NALF1: variants seen among roughly 807,000 people sequenced by gnomAD.
NALF1 encodes the protein family with sequence similarity 155 member A.
A neutral mutation model predicts 48.4 loss-of-function variants in NALF1; 3 were observed. The observed-to-expected ratio is 0.06, with a 90% confidence interval of 0.03 to 0.16. The LOEUF (loss-of-function observed/expected upper bound fraction) is 0.16. Ranked by LOEUF, NALF1 falls within the 10% of genes least tolerant of loss-of-function variation. NALF1 has a pLI of 1.00. For synonymous variants in NALF1, 262 were observed against 245.7 expected (o/e 1.07, Z -0.62); for missense variants, 526 against 571.5 (o/e 0.92, Z 0.81).
At chr13:107,395,726 G>T (rs546290891) in intron 1 of NALF1, among the ~76,000 whole-genome samples, 8 of 152,212 alleles carry the variant, frequency 5.3e-5, no homozygotes, top group African/African-American at 1.9e-4. Context: ...GAGATCAAGT[G>T]TCAGCAGAGT....
At chr13:107,517,310 C>A (rs1876088556) in intron 1 of NALF1, among the ~76,000 whole-genome samples, 2 of 152,038 alleles carry the variant, frequency 1.3e-5, no homozygotes. Context: ...TTAATTTACT[C>A]CCCCATGTTA....
intron 1 of NALF1, among the ~76,000 whole-genome samples, chr13:107,537,502 T>C (rs1876862932): frequency 6.6e-6 from 1 of 152,132 alleles, no homozygotes; most frequent in Non-Finnish European, 1.5e-5. Flanking sequence ...CACTTTGTCA[T>C]TGCCACAATA....
chr13:107,341,742 A>C (rs895258288), intron 1 of NALF1, among the ~76,000 whole-genome samples: 9 of 151,536 alleles, frequency 5.9e-5, no homozygotes, highest in Non-Finnish European at 8.8e-5. Context: ...ATTACACATT[A>C]TATATTAACC....
At chr13:107,721,839 T>C (rs984452903) in intron 1 of NALF1, among the ~76,000 whole-genome samples, 7 of 152,226 alleles carry the variant, frequency 4.6e-5, no homozygotes, top group African/African-American at 1.7e-4. Context: ...TGAGGAGATC[T>C]GATTTCTGAT....
intron 1 of NALF1, among the ~76,000 whole-genome samples, chr13:107,341,814 C>A (rs2138935499): frequency 6.7e-6 from 1 of 149,354 alleles, no homozygotes; most frequent in South Asian, 2.1e-4. Flanking sequence ...TCAACATTAC[C>A]CAGGGTAGTA....
chr13:107,560,120 C>T (rs1031842666), intron 1 of NALF1, among the ~76,000 whole-genome samples: 1 of 152,136 alleles, frequency 6.6e-6, no homozygotes, highest in Admixed American at 6.5e-5. Context: ...GGAAGACAAG[C>T]TGGTTTGGAA....
chr13:107,484,574 C>G (rs1388252218), intron 1 of NALF1, among the ~76,000 whole-genome samples: 1 of 152,082 alleles, frequency 6.6e-6, no homozygotes, highest in African/African-American at 2.4e-5. Context: ...TCTTTGGATT[C>G]CCAGTGCCAT....
At chr13:107,292,556 C>T (rs1308285464) in intron 1 of NALF1, among the ~76,000 whole-genome samples, 1 of 152,088 alleles carries the variant, frequency 6.6e-6, no homozygotes. Flanking sequence ...CCTAGGCCTA[C>T]ACAGGGTCAG....
chr13:107,434,070 C>G (rs1884425350), intron 1 of NALF1, among the ~76,000 whole-genome samples: 1 of 152,180 alleles, frequency 6.6e-6, no homozygotes, highest in Non-Finnish European at 1.5e-5. Flanking sequence ...CTGCATATTT[C>G]TGCTCTACTA....
At chr13:107,732,362 A>T (rs1258279216) in intron 1 of NALF1, among the ~76,000 whole-genome samples, 3 of 152,156 alleles carry the variant, frequency 2.0e-5, no homozygotes, top group Non-Finnish European at 4.4e-5. Flanking sequence ...ATTTGACTTG[A>T]TGTCTACATG....
At chr13:107,532,713 T>A (rs1259770529) in intron 1 of NALF1, among the ~76,000 whole-genome samples, 1 of 152,068 alleles carries the variant, frequency 6.6e-6, no homozygotes, top group Non-Finnish European at 1.5e-5. Context: ...TCTCATGTGT[T>A]TGGTCCATTT....
intron 1 of NALF1, among the ~76,000 whole-genome samples, chr13:107,336,983 GTTC>G (rs1354121165): frequency 7.9e-6 from 1 of 126,522 alleles, no homozygotes; most frequent in East Asian, 2.4e-4. Flanking sequence ...AACCCGCATT[GTTC>G]TTCTTTTATC....
intron 2 of NALF1, among the ~76,000 whole-genome samples, chr13:107,193,521 T>C (rs572900544): frequency 1.3e-5 from 2 of 152,262 alleles, no homozygotes; most frequent in South Asian, 4.2e-4. Context: ...GCAGCTTTTG[T>C]TTAATTACCC....
chr13:107,727,157 T>G (rs1876182332), intron 1 of NALF1, among the ~76,000 whole-genome samples: 1 of 151,936 alleles, frequency 6.6e-6, no homozygotes, highest in Non-Finnish European at 1.5e-5. Flanking sequence ...AGGCACAGAC[T>G]CGAGACCAGT....
chr13:107,286,128 T>C (rs1281119632), intron 1 of NALF1, among the ~76,000 whole-genome samples: 1 of 152,138 alleles, frequency 6.6e-6, no homozygotes, highest in African/African-American at 2.4e-5. Flanking sequence ...TTGAAAGTCA[T>C]AGAAAAAGAG....
chr13:107,300,219 T>C (rs1881811894), intron 1 of NALF1, among the ~76,000 whole-genome samples: 1 of 152,328 alleles, frequency 6.6e-6, no homozygotes, highest in East Asian at 1.9e-4. Context: ...AAATTAAAAA[T>C]ACAATATCCA....
chr13:107,557,157 T>A (rs764331218), intron 1 of NALF1, among the ~76,000 whole-genome samples: 15 of 152,046 alleles, frequency 9.9e-5, no homozygotes, highest in African/African-American at 1.4e-4. Context: ...GAAAAAAAAA[T>A]GTTTTGTTAG....
intron 1 of NALF1, among the ~76,000 whole-genome samples, chr13:107,414,403 A>T (rs1884048731): frequency 6.6e-6 from 1 of 150,880 alleles, no homozygotes; most frequent in South Asian, 2.1e-4. Context: ...TTTTATGAGG[A>T]ATTCTTATAG....
chr13:107,584,603 G>C (rs915423374), intron 1 of NALF1, among the ~76,000 whole-genome samples: 17 of 152,110 alleles, frequency 1.1e-4, no homozygotes, highest in African/African-American at 3.9e-4. Flanking sequence ...CCTTATTACT[G>C]TATGAAATGA....
Sources: allele counts gnomAD v4.1 joint callset (sites outside exome capture counted in the v4.1 genomes callset), GRCh38; gene constraint gnomAD v4.1.1; transcripts MANE v1.5; gene names NCBI Gene and HGNC (gene_info 2026-07-23, HGNC 2026-07-21).